Variants in CHRDL1 observed in about 807,000 individuals in gnomAD.
CHRDL1 encodes the protein chordin-like protein 1.
In CHRDL1, 19 loss-of-function variants were observed where a neutral mutation model predicts 40.9. The ratio of observed to expected loss-of-function variants is 0.46; its 90% CI spans 0.32 to 0.68. The LOEUF is 0.68. CHRDL1 is among the 30% of genes least tolerant of loss of function. The pLI, the probability that CHRDL1 is intolerant of heterozygous loss-of-function variation, is 0.03. For missense variants in CHRDL1, 329 were observed against 352.1 expected, an observed-to-expected ratio of 0.93 and a Z score of 0.53; for synonymous variants, 136 against 123.4, an observed-to-expected ratio of 1.10 and a Z score of -0.68.
At chrX:110,761,473 TC>T (rs1370413332) in intron 3 of CHRDL1, among the ~76,000 whole-genome samples, 5 of 112,010 alleles carry the variant, frequency 4.5e-5, no homozygotes, top group African/African-American at 1.3e-4. Context: ...TCTTGAAAAT[TC>T]TTTGTGTAAG....
intron 10 of CHRDL1, among the ~76,000 whole-genome samples, chrX:110,681,021 T>C (rs2069884423): frequency 8.9e-6 from 1 of 112,294 alleles, no homozygotes; most frequent in African/African-American, 3.2e-5. Flanking sequence ...AGCTTTATTC[T>C]GGAAAGAATG....
chrX:110,764,116 G>A (rs2089616647), intron 2 of CHRDL1, among the ~76,000 whole-genome samples: 1 of 110,936 alleles, frequency 9.0e-6, no homozygotes, highest in Admixed American at 9.6e-5. Flanking sequence ...TTACTGATTT[G>A]TTCATTGTAA....
chrX:110,757,243 A>T (rs1267000139), intron 4 of CHRDL1, among the ~76,000 whole-genome samples: 3 of 111,486 alleles, frequency 2.7e-5, no homozygotes, highest in Admixed American at 9.5e-5. Context: ...TTCAAAAAAA[A>T]AACTGACTAA....
chrX:110,723,713 T>G (rs186418015), intron 4 of CHRDL1, among the ~76,000 whole-genome samples: 23 of 112,240 alleles, frequency 2.0e-4, no homozygotes, highest in Non-Finnish European at 4.3e-4. Context: ...CTGTCCCTAA[T>G]GTTGTGGCCT....
rs532539332 is a variant in CHRDL1 at position 110,718,901 on chromosome X, G to A, written c.541+934C>T. On this transcript the variant is annotated intron_variant, in intron 6 of 11. Transcript: ENST00000372042. ...GTTGTGTAGGTTGTGTGCTGCAAAA[G>A]GATGCCACAGCTACAAAGGTGCTTT... Among the ~76,000 whole-genome samples, 19 of 111,544 alleles carry A rather than the reference G, an allele frequency of 1.7e-4. No individual in the cohort carries two copies. The South Asian group carries it at 6.9e-3, about 40-fold the overall frequency.
At chrX:110,737,380 G>A (rs1353878583) in intron 4 of CHRDL1, among the ~76,000 whole-genome samples, 1 of 111,660 alleles carries the variant, frequency 9.0e-6, no homozygotes, top group Non-Finnish European at 1.9e-5. Context: ...TAAAAATAGT[G>A]TCTAGTTAGC....
chrX:110,787,979 C>A (rs1026153430), intron 2 of CHRDL1, among the ~76,000 whole-genome samples: 1 of 112,505 alleles, frequency 8.9e-6, no homozygotes, highest in African/African-American at 3.2e-5. Context: ...AACTCTTCAG[C>A]CCATTTATCC....
intron 4 of CHRDL1, among the ~76,000 whole-genome samples, chrX:110,743,348 G>T (rs1206661025): frequency 8.9e-6 from 1 of 112,150 alleles, no homozygotes; most frequent in Non-Finnish European, 1.9e-5. Flanking sequence ...CTTGCTCTGG[G>T]AGCTGAGCAG....
chrX:110,754,561 C>T (rs554903484), intron 4 of CHRDL1, among the ~76,000 whole-genome samples: 7 of 112,250 alleles, frequency 6.2e-5, no homozygotes, highest in African/African-American at 2.3e-4. Flanking sequence ...CTTATGGGAA[C>T]ACATACTATA....
Position 110,675,198 on chromosome X carries a change from T to C in CHRDL1, c.*1033A>G, listed in dbSNP as rs2069748729. 1 of 112,025 alleles carries C rather than the reference T, an allele frequency of 8.9e-6. No individual in the cohort carries two copies. Among genetic ancestry groups the C allele is most frequent in the African/African-American group, 3.2e-5 (1 of 30,847 alleles). 9.2% of individuals were successfully genotyped at this position (112,025 alleles called of 1,213,427 possible). On this transcript the variant is annotated 3_prime_UTR_variant, in exon 12 of 12. Coordinates refer to ENST00000372042, the MANE Select transcript of CHRDL1 (RefSeq NM_001143981.2). ...AGAATTTACTAATTTAATATAATTT[T>C]TCTGACCAGACAACTATGGTCTCAA...
At chrX:110,764,343 G>A (rs1569481106) in intron 2 of CHRDL1, among the ~76,000 whole-genome samples, 1 of 111,971 alleles carries the variant, frequency 8.9e-6, no homozygotes, top group African/African-American at 3.2e-5. Flanking sequence ...GGGAAGTCAG[G>A]GACCCCGAAC....
intron 11 of CHRDL1, among the ~76,000 whole-genome samples, chrX:110,678,768 G>A (rs772769799): frequency 1.4e-4 from 15 of 110,505 alleles, no homozygotes; most frequent in Non-Finnish European, 2.5e-4. Context: ...CTCAACACCC[G>A]CCCCAATGCC....
chrX:110,678,530 T>C (rs1283907068), intron 11 of CHRDL1, among the ~76,000 whole-genome samples: 1 of 111,042 alleles, frequency 9.0e-6, no homozygotes, highest in Non-Finnish European at 1.9e-5. Context: ...TCCTGACCCA[T>C]TGCCCAGTCA....
rs201896497 is a variant in CHRDL1 at position 110,697,446 on chromosome X, C to G, written c.610-3115G>C. Among the ~76,000 whole-genome samples, 39 of 110,773 alleles carry G rather than the reference C, an allele frequency of 3.5e-4. No homozygotes were observed. In the East Asian group the frequency reaches 5.4e-3, roughly 15 times the overall value. On this transcript the variant is annotated intron_variant, in intron 7 of 11. Coordinates refer to ENST00000372042, the MANE Select transcript of CHRDL1 (RefSeq NM_001143981.2). ...TTTTCTGCTACAACTGCAAGTGAATCTATAGTTATCTCAAAATAAAAAAAG... is the reference window on the plus strand; with the variant it reads ...TTTTCTGCTACAACTGCAAGTGAATGTATAGTTATCTCAAAATAAAAAAAG...
chrX:110,678,815 G>C (rs771397727), intron 11 of CHRDL1, among the ~76,000 whole-genome samples: 13 of 111,054 alleles, frequency 1.2e-4, no homozygotes, highest in Non-Finnish European at 2.3e-4. Flanking sequence ...ATCTAGTGTG[G>C]AAAGTGGGAG....
intron 4 of CHRDL1, among the ~76,000 whole-genome samples, chrX:110,750,598 T>G (rs1434911824): frequency 8.9e-6 from 1 of 112,358 alleles, no homozygotes; most frequent in Non-Finnish European, 1.9e-5. Context: ...GCTTTTCCCT[T>G]TGAGAGTTTC....
In CHRDL1 at chrX:110,675,817, A is replaced by C. The variant is rs2069765898; in HGVS notation, c.*414T>G. 1 of 115,873 alleles carries C rather than the reference A, an allele frequency of 8.6e-6. No homozygotes were observed. The highest frequency in any genetic ancestry group is 3.3e-5 in the African/African-American group (1 of 30,306). 9.5% of individuals were successfully genotyped at this position (115,873 alleles called of 1,213,427 possible). The stretch of plus-strand genomic sequence containing the variant: ...TTTAAAAGAACACATGACATTCTAA[A>C]ATTCAAAGGTATAATTTCATACAAG... On this transcript the variant is annotated 3_prime_UTR_variant, in exon 12 of 12. Coordinates refer to ENST00000372042, the MANE Select transcript of CHRDL1 (RefSeq NM_001143981.2).
chrX:110,688,845 T>C, intron 8 of CHRDL1, 42 bp from the exon 9 acceptor site: 1 of 1,018,252 alleles, frequency 9.8e-7, no homozygotes, highest in Non-Finnish European at 1.4e-6. Context: ...GCTAAGGAGC[T>C]AAAATGGAAC....
chrX:110,695,152 T>G (rs1426840027), intron 7 of CHRDL1, among the ~76,000 whole-genome samples: 1 of 111,138 alleles, frequency 9.0e-6, no homozygotes, highest in East Asian at 2.8e-4. Context: ...CTTGATAAGA[T>G]GTACTTAGAC....
Sources: gnomAD v4.1 joint callset for allele counts (sites outside exome capture counted in the v4.1 genomes callset) on GRCh38, gnomAD v4.1.1 for gene constraint, MANE v1.5 for transcripts, NCBI Gene and HGNC (gene_info 2026-07-23, HGNC 2026-07-21) for gene names.